LSAMP: variants seen among roughly 807,000 people sequenced by gnomAD.
LSAMP encodes limbic system-associated membrane protein.
A neutral mutation model predicts 38.6 loss-of-function variants in LSAMP; 7 were observed. The observed-to-expected ratio is 0.18, with a 90% CI of 0.10 to 0.34. LSAMP has a LOEUF of 0.34. LSAMP is among the 10% of genes least tolerant of loss of function. The pLI, the probability that LSAMP is intolerant of heterozygous loss-of-function variation, is 1.00. For synonymous variants in LSAMP, 154 were observed against 166.8 expected (o/e 0.92, Z 0.59); for missense variants, 313 against 420.0 (o/e 0.75, Z 2.23).
At chr3:116,183,539 G>A (rs1710540321) in intron 1 of LSAMP, among the ~76,000 whole-genome samples, 1 of 151,750 alleles carries the variant, frequency 6.6e-6, no homozygotes, top group Non-Finnish European at 1.5e-5. Context: ...TTTGGGTTGG[G>A]TTATTTTGAA....
At chr3:116,092,083 A>C (rs1708136776) in intron 1 of LSAMP, among the ~76,000 whole-genome samples, 1 of 152,002 alleles carries the variant, frequency 6.6e-6, no homozygotes, top group Non-Finnish European at 1.5e-5. Flanking sequence ...GAGCCTAAAT[A>C]CCATGTGCAT....
At chr3:115,822,615 C>A (rs1360816614) in intron 6 of LSAMP, among the ~76,000 whole-genome samples, 1 of 152,160 alleles carries the variant, frequency 6.6e-6, no homozygotes, top group Non-Finnish European at 1.5e-5. Context: ...CCGCCTTGGC[C>A]TCCCAAAGAG....
At chr3:115,816,626 A>G in intron 6 of LSAMP, 1 of 1,286,778 alleles carries the variant, frequency 7.8e-7, no homozygotes, top group Non-Finnish European at 1.0e-6. Context: ...TTTTGCTTGA[A>G]GTGCACGGTG....
chr3:116,387,396 A>G (rs914385272), intron 1 of LSAMP, among the ~76,000 whole-genome samples: 14 of 152,206 alleles, frequency 9.2e-5, no homozygotes, highest in African/African-American at 2.7e-4. Flanking sequence ...GTCAGAGAAC[A>G]TCTAATATAT....
intron 1 of LSAMP, among the ~76,000 whole-genome samples, chr3:116,295,728 G>A (rs1461101841): frequency 6.6e-6 from 1 of 152,024 alleles, no homozygotes; most frequent in East Asian, 1.9e-4. Flanking sequence ...ATTTAGAAGG[G>A]GAACAAAAAG....
chr3:116,076,900 G>T (rs553282215), intron 2 of LSAMP, among the ~76,000 whole-genome samples: 2 of 151,794 alleles, frequency 1.3e-5, no homozygotes, highest in South Asian at 4.2e-4. Context: ...TTATATTTTT[G>T]CAGCTTTGTG....
intron 6 of LSAMP, among the ~76,000 whole-genome samples, chr3:115,837,646 G>A (rs1207546779): frequency 2.6e-5 from 4 of 151,886 alleles, no homozygotes; most frequent in South Asian, 2.1e-4. Context: ...GAAAGGCCTC[G>A]TTGAGTGAAA....
intron 3 of LSAMP, among the ~76,000 whole-genome samples, chr3:115,875,421 G>T (rs1936156275): frequency 6.6e-6 from 1 of 152,048 alleles, no homozygotes; most frequent in South Asian, 2.1e-4. Flanking sequence ...CAAAATTGCT[G>T]CACTGTAGCC....
At chr3:116,040,002 G>GAAA (rs369232561) in intron 2 of LSAMP, among the ~76,000 whole-genome samples, 1 of 151,708 alleles carries the variant, frequency 6.6e-6, no homozygotes, top group African/African-American at 2.4e-5. Context: ...TTTGGGGGGG[G>GAAA]AAAAAAACTG....
chr3:116,099,570 C>T (rs948979328), intron 1 of LSAMP, among the ~76,000 whole-genome samples: 3 of 152,158 alleles, frequency 2.0e-5, no homozygotes, highest in Admixed American at 2.0e-4. Flanking sequence ...GTCCAGTCTC[C>T]CTCAAGGATA....
intron 4 of LSAMP, among the ~76,000 whole-genome samples, chr3:115,852,254 G>T (rs962284771): frequency 1.3e-5 from 2 of 152,210 alleles, no homozygotes; most frequent in African/African-American, 4.8e-5. Flanking sequence ...TTTAGTCTGA[G>T]TAGAAAAGGG....
At chr3:116,191,080 C>T (rs923865858) in intron 1 of LSAMP, among the ~76,000 whole-genome samples, 10 of 151,936 alleles carry the variant, frequency 6.6e-5, no homozygotes, top group African/African-American at 9.7e-5. Context: ...AAAATTAGCC[C>T]GGCGTGGTGA....
chr3:115,954,143 C>T (rs1304903583), intron 3 of LSAMP, among the ~76,000 whole-genome samples: 1 of 152,100 alleles, frequency 6.6e-6, no homozygotes, highest in Non-Finnish European at 1.5e-5. Context: ...TATGTTATAT[C>T]CATTTACTTA....
intron 3 of LSAMP, among the ~76,000 whole-genome samples, chr3:115,864,923 G>T (rs376358717): frequency 6.6e-6 from 1 of 152,110 alleles, no homozygotes; most frequent in Non-Finnish European, 1.5e-5. Context: ...GTTTATATGA[G>T]AGAAATACAT....
chr3:116,098,236 C>T (rs573329749), intron 1 of LSAMP, among the ~76,000 whole-genome samples: 2 of 152,002 alleles, frequency 1.3e-5, no homozygotes, highest in African/African-American at 4.8e-5. Flanking sequence ...CAGTGGCTCA[C>T]GTCTGTAATC....
chr3:116,207,890 C>G (rs1326781886), intron 1 of LSAMP, among the ~76,000 whole-genome samples: 1 of 151,338 alleles, frequency 6.6e-6, no homozygotes, highest in Non-Finnish European at 1.5e-5. Flanking sequence ...TGGAGTTGCT[C>G]TTCTCGAGGA....
At chr3:116,068,336 GAAAA>G (rs1707510856) in intron 2 of LSAMP, among the ~76,000 whole-genome samples, 1 of 152,064 alleles carries the variant, frequency 6.6e-6, no homozygotes, top group African/African-American at 2.4e-5. Flanking sequence ...TCTGCATTCA[GAAAA>G]GTTATATCCA....
intron 1 of LSAMP, among the ~76,000 whole-genome samples, chr3:116,292,053 AG>A (rs1404539202): frequency 6.6e-6 from 1 of 152,214 alleles, no homozygotes; most frequent in Non-Finnish European, 1.5e-5. Flanking sequence ...AAGATGTACA[AG>A]AAACAGTATT....
intron 1 of LSAMP, among the ~76,000 whole-genome samples, chr3:116,399,986 T>C (rs556798246): frequency 6.6e-6 from 1 of 152,362 alleles, no homozygotes; most frequent in African/African-American, 2.4e-5. Context: ...GCAAAACTGA[T>C]GTTTAAAAAA....
Sources: gnomAD v4.1 joint callset for allele counts (sites outside exome capture counted in the v4.1 genomes callset) on GRCh38, gnomAD v4.1.1 for gene constraint, MANE v1.5 for transcripts, NCBI Gene and HGNC (gene_info 2026-07-23, HGNC 2026-07-21) for gene names.